Variants in NUMB observed in about 807,000 individuals in gnomAD.
The protein encoded by NUMB is NUMB endocytic adaptor protein.
In NUMB, 29 loss-of-function variants were observed where a neutral mutation model predicts 59.7. The ratio of observed to expected loss-of-function variants is 0.49; its 90% CI spans 0.36 to 0.66. NUMB has a LOEUF of 0.66. Ranked by LOEUF, NUMB falls within the 30% of genes least tolerant of loss-of-function variation. The pLI, the probability that NUMB is intolerant of heterozygous loss-of-function variation, is 0.00. For synonymous variants in NUMB, 288 were observed against 288.2 expected (o/e 1.00, Z 0.01); for missense variants, 723 against 822.0 (o/e 0.88, Z 1.47).
chr14:73,418,634 G>T (rs1482115021), intron 1 of NUMB, among the ~76,000 whole-genome samples: 2 of 152,056 alleles, frequency 1.3e-5, no homozygotes, highest in African/African-American at 4.8e-5. Flanking sequence ...AGCCAGGCAT[G>T]GTGGCACATG....
intron 2 of NUMB, among the ~76,000 whole-genome samples, chr14:73,368,760 C>T (rs1894513622): frequency 6.6e-6 from 1 of 152,004 alleles, no homozygotes; most frequent in Non-Finnish European, 1.5e-5. Flanking sequence ...TATTAAAAGC[C>T]TGTATGACAA....
chr14:73,278,085 C>T (rs1477098306), intron 12 of NUMB, among the ~76,000 whole-genome samples: 6 of 148,852 alleles, frequency 4.0e-5, no homozygotes, highest in Non-Finnish European at 7.4e-5. Flanking sequence ...GCTTGCACAT[C>T]CTCTAAAGGG....
chr14:73,445,216 T>G (rs142511419), intron 1 of NUMB, among the ~76,000 whole-genome samples: 188 of 151,814 alleles, frequency 1.2e-3, no homozygotes, highest in African/African-American at 4.1e-3. Context: ...TAGGTGGACA[T>G]GATGGCATGT....
At chr14:73,330,205 T>C (rs1891887135) in intron 4 of NUMB, among the ~76,000 whole-genome samples, 1 of 151,846 alleles carries the variant, frequency 6.6e-6, no homozygotes, top group Admixed American at 6.6e-5. Flanking sequence ...AATTTTTGTA[T>C]TTTTTTTGTA....
At chr14:73,434,935 T>C (rs1566795796) in intron 1 of NUMB, among the ~76,000 whole-genome samples, 1 of 152,162 alleles carries the variant, frequency 6.6e-6, no homozygotes, top group Non-Finnish European at 1.5e-5. Context: ...CCATCTCCCA[T>C]CTCTGCTCTT....
At chr14:73,313,424 T>C (rs1890889374) in intron 6 of NUMB, among the ~76,000 whole-genome samples, 1 of 151,858 alleles carries the variant, frequency 6.6e-6, no homozygotes, top group African/African-American at 2.4e-5. Flanking sequence ...GTGGCTGAGA[T>C]AGTGATACTT....
At chr14:73,398,406 G>C (rs1307288950) in intron 2 of NUMB, among the ~76,000 whole-genome samples, 1 of 114,976 alleles carries the variant, frequency 8.7e-6, no homozygotes, top group Non-Finnish European at 1.9e-5. Flanking sequence ...GAGAGAGAGA[G>C]AGAGAGAGAG....
chr14:73,278,721 C>CTTTTTTTTT (rs35813203), intron 12 of NUMB, among the ~76,000 whole-genome samples: 2 of 58,044 alleles, frequency 3.4e-5, no homozygotes, highest in Non-Finnish European at 5.7e-5. Flanking sequence ...GCCCTGGAAT[C>CTTTTTTTTT]TTTTTTTTTT....
chr14:73,365,867 C>A (rs552195650), intron 3 of NUMB, among the ~76,000 whole-genome samples: 4 of 152,166 alleles, frequency 2.6e-5, no homozygotes, highest in Non-Finnish European at 5.9e-5. Flanking sequence ...GAAAAGAATA[C>A]ATGATCAGTT....
intron 4 of NUMB, among the ~76,000 whole-genome samples, chr14:73,336,294 A>T (rs1234359217): frequency 2.0e-5 from 3 of 152,188 alleles, no homozygotes; most frequent in Non-Finnish European, 2.9e-5. Flanking sequence ...TTCTTCTTTA[A>T]AACAAAGAGA....
intron 2 of NUMB, among the ~76,000 whole-genome samples, chr14:73,402,900 A>G (rs2140120048): frequency 6.6e-6 from 1 of 152,370 alleles, no homozygotes; most frequent in Non-Finnish European, 1.5e-5. Flanking sequence ...TAAAGCACCT[A>G]TGTGCTGAAC....
chr14:73,343,759 G>A (rs1892761231), intron 4 of NUMB, among the ~76,000 whole-genome samples: 1 of 26,948 alleles, frequency 3.7e-5, no homozygotes, highest in Non-Finnish European at 6.1e-5. Flanking sequence ...AGAGCTTTGT[G>A]TTGATATCAA....
chr14:73,282,599 C>G (rs1888705326), intron 10 of NUMB, 94 bp from the exon 11 acceptor site: 1 of 1,309,232 alleles, frequency 7.6e-7, no homozygotes, highest in Non-Finnish European at 1.0e-6. Flanking sequence ...TACTGTATCT[C>G]CTGCTTATGT....
At chr14:73,352,904 T>C (rs1003598484) in intron 4 of NUMB, among the ~76,000 whole-genome samples, 1 of 151,258 alleles carries the variant, frequency 6.6e-6, no homozygotes, top group Non-Finnish European at 1.5e-5. Flanking sequence ...AAGAAGACTG[T>C]AAAATCCACA....
intron 2 of NUMB, among the ~76,000 whole-genome samples, chr14:73,377,994 T>TACACACACAC (rs61489875): frequency 1.6e-4 from 23 of 146,510 alleles, no homozygotes; most frequent in Non-Finnish European, 2.6e-4. Flanking sequence ...TATATACACA[T>TACACACACAC]ACACACACAC....
chr14:73,429,671 T>C (rs745658076), intron 1 of NUMB, among the ~76,000 whole-genome samples: 2 of 152,002 alleles, frequency 1.3e-5, no homozygotes, highest in South Asian at 4.2e-4. Flanking sequence ...GCTGTGTGGC[T>C]GTAGCTCACA....
At chr14:73,445,354 CAAAAAAAAAAAAAAAAAAAA>C (rs752154048) in intron 1 of NUMB, among the ~76,000 whole-genome samples, 36 of 57,574 alleles carry the variant, frequency 6.3e-4, no homozygotes, top group African/African-American at 1.4e-3. Flanking sequence ...GACCCTGTCT[CAAAAAAAAAAAAAAAAAAAA>C]AAAAAAAAAA....
chr14:73,347,905 C>T (rs1405188198), intron 4 of NUMB, among the ~76,000 whole-genome samples: 1 of 152,210 alleles, frequency 6.6e-6, no homozygotes, highest in Non-Finnish European at 1.5e-5. Context: ...GATTTGGCAT[C>T]TGTAAATTTA....
chr14:73,329,953 A>G (rs1026545172), intron 4 of NUMB, among the ~76,000 whole-genome samples: 3 of 152,152 alleles, frequency 2.0e-5, no homozygotes, highest in African/African-American at 7.2e-5. Context: ...TGAAAACTGC[A>G]CCTCCTGTAC....
Sources: gnomAD v4.1 joint callset for allele counts (sites outside exome capture counted in the v4.1 genomes callset) on GRCh38, gnomAD v4.1.1 for gene constraint, MANE v1.5 for transcripts, NCBI Gene and HGNC (gene_info 2026-07-23, HGNC 2026-07-21) for gene names.